GALNT13: variants seen among roughly 807,000 people sequenced by gnomAD.
GALNT13 encodes polypeptide N-acetylgalactosaminyltransferase 13.
In GALNT13, 28 loss-of-function variants were observed where a neutral mutation model predicts 64.2. The observed-to-expected ratio is 0.44, with a 90% CI of 0.32 to 0.60. The LOEUF is 0.60. Ranked by LOEUF, GALNT13 falls within the 20% of genes least tolerant of loss-of-function variation. GALNT13 has a pLI of 0.05. For synonymous variants in GALNT13, 214 were observed against 224.6 expected, an observed-to-expected ratio of 0.95 and a Z score of 0.42; for missense variants, 577 against 669.8, an observed-to-expected ratio of 0.86 and a Z score of 1.53.
chr2:153,566,012 G>C, the GALNT13 span, among the ~76,000 whole-genome samples: 2 of 151,996 alleles, frequency 1.3e-5, no homozygotes, highest in African/African-American at 4.8e-5. Flanking sequence ...TTGTATTTCT[G>C]TCTTAGTTAT....
At chr2:153,684,915 C>T in the GALNT13 span, among the ~76,000 whole-genome samples, 54 of 151,630 alleles carry the variant, frequency 3.6e-4, no homozygotes, top group Middle Eastern at 3.4e-3. Flanking sequence ...TTTGTATTTC[C>T]GTTCCTGTGT....
At chr2:153,914,758 C>G (rs1689213808) in intron 2 of GALNT13, among the ~76,000 whole-genome samples, 1 of 152,112 alleles carries the variant, frequency 6.6e-6, no homozygotes. Flanking sequence ...TAGTATGGTA[C>G]CTGGGGCACA....
intron 2 of GALNT13, among the ~76,000 whole-genome samples, chr2:153,920,679 A>G (rs960538519): frequency 5.3e-5 from 8 of 152,176 alleles, no homozygotes; most frequent in Non-Finnish European, 1.0e-4. Context: ...GGAAACTATC[A>G]ACAGAACAAA....
At chr2:153,934,019 T>C (rs1041309610) in intron 2 of GALNT13, among the ~76,000 whole-genome samples, 30 of 152,134 alleles carry the variant, frequency 2.0e-4, no homozygotes, top group African/African-American at 7.2e-4. Flanking sequence ...TCTAGGGGCC[T>C]TTAACATTTT....
chr2:153,787,595 A>G, the GALNT13 span, among the ~76,000 whole-genome samples: 1 of 152,212 alleles, frequency 6.6e-6, no homozygotes, highest in African/African-American at 2.4e-5. Flanking sequence ...AACTAGGGTG[A>G]GTTTGCTGAA....
the GALNT13 span, among the ~76,000 whole-genome samples, chr2:153,285,739 C>T: frequency 2.6e-5 from 4 of 151,842 alleles, no homozygotes; most frequent in Non-Finnish European, 5.9e-5. Context: ...TATTGAAGAA[C>T]ATCAGTAATA....
At chr2:153,108,006 T>C in the GALNT13 span, among the ~76,000 whole-genome samples, 8 of 152,156 alleles carry the variant, frequency 5.3e-5, no homozygotes, top group African/African-American at 1.9e-4. Context: ...GCCTCCCAAG[T>C]AGCTGGGATT....
intron 2 of GALNT13, 132 bp downstream of exon 2, chr2:153,901,139 G>A (rs1241566714): frequency 2.0e-5 from 3 of 152,108 alleles, no homozygotes; most frequent in African/African-American, 7.2e-5. Context: ...AAGGTTGTAT[G>A]TGTGCAGCAT....
At chr2:153,940,729 A>G (rs111485108) in intron 2 of GALNT13, among the ~76,000 whole-genome samples, 567 of 152,266 alleles carry the variant, frequency 3.7e-3, no homozygotes, top group African/African-American at 0.013. Flanking sequence ...TAAAACATTT[A>G]AAGTATGCTG....
chr2:153,658,789 T>TG, the GALNT13 span, among the ~76,000 whole-genome samples: 1 of 151,806 alleles, frequency 6.6e-6, no homozygotes, highest in Non-Finnish European at 1.5e-5. Flanking sequence ...CTTGCTTTTT[T>TG]TTTTTCTTTA....
chr2:154,022,624 T>C (rs1340084715), intron 3 of GALNT13, among the ~76,000 whole-genome samples: 1 of 152,196 alleles, frequency 6.6e-6, no homozygotes, highest in Non-Finnish European at 1.5e-5. Context: ...CTATCAATTT[T>C]GTTGATCTGT....
At chr2:153,476,294 T>C in the GALNT13 span, among the ~76,000 whole-genome samples, 1 of 152,248 alleles carries the variant, frequency 6.6e-6, no homozygotes, top group East Asian at 1.9e-4. Context: ...GTTGTGCTTC[T>C]TTCTGAGTAA....
At chr2:153,328,715 A>G in the GALNT13 span, among the ~76,000 whole-genome samples, 1 of 152,114 alleles carries the variant, frequency 6.6e-6, no homozygotes, top group Non-Finnish European at 1.5e-5. Context: ...CGAGAATGGC[A>G]AGCTGGTGGA....
At chr2:153,375,053 G>A in the GALNT13 span, among the ~76,000 whole-genome samples, 1 of 152,050 alleles carries the variant, frequency 6.6e-6, no homozygotes, top group African/African-American at 2.4e-5. Context: ...GAAAATTTTA[G>A]TTTATCATTA....
chr2:153,291,380 A>G, the GALNT13 span, among the ~76,000 whole-genome samples: 2 of 152,210 alleles, frequency 1.3e-5, no homozygotes, highest in Admixed American at 1.3e-4. Context: ...TCACTAATTC[A>G]TGGGAGTTGG....
the GALNT13 span, among the ~76,000 whole-genome samples, chr2:153,639,158 A>G: frequency 2.6e-5 from 4 of 152,130 alleles, no homozygotes; most frequent in East Asian, 1.9e-4. Context: ...ATGATGGTAC[A>G]TGTTTTTTAA....
At chr2:154,142,930 G>A (rs1023620889) in intron 4 of GALNT13, among the ~76,000 whole-genome samples, 6 of 151,838 alleles carry the variant, frequency 4.0e-5, no homozygotes, top group South Asian at 2.1e-4. Flanking sequence ...AACAGTCTTC[G>A]AAGCAATTTT....
chr2:153,755,005 G>T, the GALNT13 span, among the ~76,000 whole-genome samples: 1 of 152,042 alleles, frequency 6.6e-6, no homozygotes, highest in African/African-American at 2.4e-5. Flanking sequence ...CAAAATTGCT[G>T]CACTCTCCCT....
the GALNT13 span, among the ~76,000 whole-genome samples, chr2:153,123,304 A>G: frequency 2.0e-5 from 3 of 152,170 alleles, no homozygotes; most frequent in African/African-American, 4.8e-5. Flanking sequence ...TTAAACTCCT[A>G]GCCTCCAAAA....
Sources: allele counts gnomAD v4.1 joint callset (sites outside exome capture counted in the v4.1 genomes callset), GRCh38; gene constraint gnomAD v4.1.1; transcripts MANE v1.5; gene names NCBI Gene and HGNC (gene_info 2026-07-23, HGNC 2026-07-21).